The following ATP8B4 variants were observed in gnomAD, a reference collection of about 807,000 sequenced individuals.
ATP8B4 encodes probable phospholipid-transporting ATPase IM.
In ATP8B4, 133 loss-of-function variants were observed where a neutral mutation model predicts 145.6. That is an observed-to-expected ratio of 0.91 (90% confidence interval 0.79 to 1.05). The LOEUF is 1.05. Among genes scored for constraint, ATP8B4 ranks in the 50% least tolerant of loss-of-function variants. ATP8B4 has a pLI of 0.00. For missense variants in ATP8B4, 1,458 were observed against 1,425.2 expected (o/e 1.02, Z -0.37); for synonymous variants, 507 against 492.9 (o/e 1.03, Z -0.38).
intron 3 of ATP8B4, among the ~76,000 whole-genome samples, chr15:50,062,233 C>T (rs188493540): frequency 2.2e-3 from 341 of 152,290 alleles, no homozygotes; most frequent in Non-Finnish European, 4.1e-3. Flanking sequence ...TAAGGGATGG[C>T]TTATCACCAT....
chr15:50,102,215 C>G (rs987698944), intron 2 of ATP8B4, among the ~76,000 whole-genome samples: 2 of 151,694 alleles, frequency 1.3e-5, no homozygotes, highest in African/African-American at 4.8e-5. Flanking sequence ...AAACCCAAGC[C>G]CAGCAGAAGA....
At chr15:49,915,056 C>T (rs528964387) in intron 20 of ATP8B4, among the ~76,000 whole-genome samples, 1 of 152,200 alleles carries the variant, frequency 6.6e-6, no homozygotes, top group East Asian at 1.9e-4. Context: ...ATGAAATCAA[C>T]CCAAGTGTCC....
intron 1 of ATP8B4, among the ~76,000 whole-genome samples, chr15:50,140,898 CA>C: frequency 6.6e-6 from 1 of 152,266 alleles, no homozygotes; most frequent in South Asian, 2.1e-4. Flanking sequence ...TTGTAATGTG[CA>C]GGCAACTTTG....
At position 50,138,413 on chromosome 15, in the gene ATP8B4, AG is replaced by A. The variant is rs1342873318; in HGVS notation, c.-42-31406del. Reference sequence around the variant, plus strand: ...ACAGACAGACAGACAGAGAGATGATAGATAGATAGAGAGATAGACAGACAGA... The same window carrying A: ...ACAGACAGACAGACAGAGAGATGATAATAGATAGAGAGATAGACAGACAGA... On this transcript the variant is annotated intron_variant, in intron 1 of 3. Coordinates refer to the ATP8B4 transcript ENST00000558829. 9.9e-3 allele frequency among the ~76,000 whole-genome samples: 629 copies of A among 63,392 alleles called. 17 individuals are homozygous for A. The East Asian group carries it at 0.2, about 20-fold the overall frequency. 41.6% of individuals were successfully genotyped at this position (63,392 alleles called of 152,430 possible). A position where few individuals can be genotyped will look rare whatever the true frequency, so the allele number is the denominator to read the frequency against.
At chr15:50,117,645 A>T (rs1207782370) in intron 1 of ATP8B4, among the ~76,000 whole-genome samples, 1 of 152,164 alleles carries the variant, frequency 6.6e-6, no homozygotes. Flanking sequence ...CAGCAATCCC[A>T]CTTCTGGGAA....
At chr15:49,929,712 T>C (rs2041080430) in intron 16 of ATP8B4, among the ~76,000 whole-genome samples, 1 of 151,544 alleles carries the variant, frequency 6.6e-6, no homozygotes, top group African/African-American at 2.4e-5. Context: ...AAGAAAACAA[T>C]GGGACAAGAA....
intron 3 of ATP8B4, among the ~76,000 whole-genome samples, chr15:50,057,901 T>TC (rs2052719894): frequency 6.6e-6 from 1 of 152,176 alleles, no homozygotes; most frequent in Non-Finnish European, 1.5e-5. Flanking sequence ...AATTTTTTTT[T>TC]CTCCAGGGTG....
chr15:50,118,976 AAAG>A (rs2057229675), intron 1 of ATP8B4, 144 bp downstream of exon 1: 1 of 152,230 alleles, frequency 6.6e-6, no homozygotes, highest in African/African-American at 2.4e-5. Context: ...GGGGAATAAT[AAAG>A]AATATTTGTG....
chr15:49,950,715 T>C (rs192100839), intron 14 of ATP8B4, among the ~76,000 whole-genome samples: 61 of 152,078 alleles, frequency 4.0e-4, no homozygotes, highest in Non-Finnish European at 7.4e-5. Flanking sequence ...TCTTCCATGC[T>C]GTTAGTTATT....
At chr15:50,104,395 C>T (rs1411949174) in intron 2 of ATP8B4, among the ~76,000 whole-genome samples, 3 of 151,734 alleles carry the variant, frequency 2.0e-5, no homozygotes, top group South Asian at 2.1e-4. Context: ...AAAAAACAAA[C>T]GGATCCCATC....
In ATP8B4 at chr15:50,076,315, A is replaced by C. The variant is rs557938104; in HGVS notation, c.29-2130T>G. Among the ~76,000 whole-genome samples, 46 of 152,170 alleles carry C rather than the reference A, an allele frequency of 3.0e-4. No individual in the cohort carries two copies. The South Asian group carries it at 9.3e-3, about 31-fold the overall frequency. ...GAGACCATCCTGGCCAACATGGTGA[A>C]ACCTCATCTCTACTAAAAATACAAA... On this transcript the variant is annotated intron_variant, in intron 2 of 27. Transcript: ENST00000284509.
chr15:50,040,677 T>C (rs1247791428), intron 5 of ATP8B4, among the ~76,000 whole-genome samples: 1 of 152,162 alleles, frequency 6.6e-6, no homozygotes, highest in Non-Finnish European at 1.5e-5. Context: ...GCTGAGCAGC[T>C]CACTCTCGGG....
intron 2 of ATP8B4, among the ~76,000 whole-genome samples, chr15:50,085,881 ATATT>A (rs1310070033): frequency 1.1e-5 from 1 of 88,228 alleles, no homozygotes; most frequent in Non-Finnish European, 2.4e-5. Context: ...ATATATTTAT[ATATT>A]TATATATGAT....
chr15:50,073,019 T>TATATATATACAC (rs1455088682), intron 3 of ATP8B4, among the ~76,000 whole-genome samples: 13 of 32,448 alleles, frequency 4.0e-4, no homozygotes, highest in East Asian at 3.8e-3. Flanking sequence ...TATATATATA[T>TATATATATACAC]ACACACACAC....
At chr15:50,135,954 A>G (rs1303083820) in intron 1 of ATP8B4, among the ~76,000 whole-genome samples, 1 of 152,234 alleles carries the variant, frequency 6.6e-6, no homozygotes, top group Non-Finnish European at 1.5e-5. Flanking sequence ...GTACATTTCA[A>G]TGAAAGGTGA....
chr15:49,916,927 C>T lies in ATP8B4; in HGVS notation c.2141+7G>A. 1 of 1,611,572 alleles carries T rather than the reference C, an allele frequency of 6.2e-7. No homozygotes were observed. Among genetic ancestry groups the T allele is most frequent in the Non-Finnish European group, 8.5e-7 (1 of 1,178,180 alleles). On this transcript the variant is annotated splice_region_variant and intron_variant, in intron 20 of 27. Transcript: ENST00000284509. ...TTCCATCCTTTCCTCCTTCCTTCAA[C>T]ACCTACCTGAGTTCTTCTCTCACTT...
intron 6 of ATP8B4, among the ~76,000 whole-genome samples, chr15:50,020,727 T>C (rs1055259316): frequency 6.6e-6 from 1 of 152,176 alleles, no homozygotes; most frequent in African/African-American, 2.4e-5. Context: ...CTAGGTTTCC[T>C]GATGCCTCTC....
At chr15:50,086,432 A>T (rs868772557) in intron 2 of ATP8B4, among the ~76,000 whole-genome samples, 19 of 11,726 alleles carry the variant, frequency 1.6e-3, no homozygotes, top group South Asian at 6.0e-3. Context: ...GAGATCTATA[A>T]TTATATATAA....
chr15:49,945,107 A>G (rs1254245291), intron 14 of ATP8B4, among the ~76,000 whole-genome samples: 1 of 152,180 alleles, frequency 6.6e-6, no homozygotes, highest in Non-Finnish European at 1.5e-5. Flanking sequence ...GAACGATCTC[A>G]GACAATTTAA....
Sources: allele counts gnomAD v4.1 joint callset (sites outside exome capture counted in the v4.1 genomes callset), GRCh38; gene constraint gnomAD v4.1.1; transcripts MANE v1.5; gene names NCBI Gene and HGNC (gene_info 2026-07-23, HGNC 2026-07-21).